SLC25A18: variants seen among roughly 807,000 people sequenced by gnomAD.
SLC25A18 encodes the protein solute carrier family 25 member 18.
In SLC25A18, 24 loss-of-function variants were observed where a neutral mutation model predicts 31.1. The observed-to-expected ratio is 0.77, with a 90% CI of 0.56 to 1.08. SLC25A18 has a LOEUF of 1.08. Ranked by LOEUF, SLC25A18 falls within the 50% of genes least tolerant of loss-of-function variation. The probability of loss-of-function intolerance (pLI) is 0.00; values close to 1 mark genes in which losing one functional copy is unlikely to be tolerated. For missense variants in SLC25A18, 371 were observed against 418.5 expected (o/e 0.89, Z 0.99); for synonymous variants, 173 against 161.9 (o/e 1.07, Z -0.52).
rs2057351176 is a variant in SLC25A18, at chr22:17,580,804, C to T, written c.21-233C>T. ...AGAGCTGGGCTCCTCCCAGAAGCCCCTGCAGGTCCCAGCTCCAGGGACTTC... is the reference window on the plus strand; with the variant it reads ...AGAGCTGGGCTCCTCCCAGAAGCCCTTGCAGGTCCCAGCTCCAGGGACTTC... On this transcript the variant is annotated intron_variant, in intron 3 of 10. Transcript: ENST00000327451. 6 of 1,291,616 alleles carry T rather than the reference C, an allele frequency of 4.6e-6. No homozygotes were observed. In the South Asian group the frequency reaches 9.3e-5, roughly 20 times the overall value. The allele number at this position is 1,291,616 out of a possible 1,614,324, so 80.0% of individuals were successfully genotyped here. A position where few individuals can be genotyped will look rare whatever the true frequency, so the allele number is the denominator to read the frequency against.
At chr22:17,574,837 T>TTATTATTATTATTATTATTATTAG (rs1170745388) in intron 2 of SLC25A18, among the ~76,000 whole-genome samples, 8 of 139,284 alleles carry the variant, frequency 5.7e-5, no homozygotes, top group Non-Finnish European at 1.5e-5. Context: ...CCCTTTATTA[T>TTATTATTATTATTATTATTATTAG]TATTATTATT....
chr22:17,588,257 T>G, intron 9 of SLC25A18, 178 bp downstream of exon 9: 1 of 635,002 alleles, frequency 1.6e-6, no homozygotes. Context: ...TTCTCATCCC[T>G]GACACATCCC....
chr22:17,565,854 T>C (rs1048748761), intron 1 of SLC25A18, among the ~76,000 whole-genome samples: 6 of 151,770 alleles, frequency 4.0e-5, no homozygotes, highest in Non-Finnish European at 8.8e-5. Flanking sequence ...GCAACAAGAG[T>C]GAAGCTCCGT....
At position 17,587,284 on chromosome 22, in the gene SLC25A18, G is replaced by A. The variant is rs367598935; in HGVS notation, c.558G>A (p.Leu186=). 6.2e-7 allele frequency: 1 copy of A among 1,613,140 alleles called. No homozygotes were observed. Among genetic ancestry groups the A allele is most frequent in the African/African-American group, 1.3e-5 (1 of 75,052 alleles). The part of the protein sequence containing the change: ...TQGLAGLYRG[L]GATLLRDIPF... ...GCCTGGCTGGGCTCTACAGGGGCCT[G>A]GGTGCCACTCTCCTCAGGTGAGCCT... is the stretch of plus-strand genomic sequence containing the variant. Residue 186 remains leucine, a synonymous_variant, in exon 8 of 11, where the codon CTG becomes CTA. Coordinates refer to ENST00000327451, the MANE Select transcript of SLC25A18 (RefSeq NM_031481.3).
intron 2 of SLC25A18, among the ~76,000 whole-genome samples, chr22:17,578,871 G>T (rs1172244596): frequency 6.6e-6 from 1 of 152,192 alleles, no homozygotes; most frequent in Non-Finnish European, 1.5e-5. Flanking sequence ...TTGCACTCCA[G>T]CCTGGGCAAC....
At chr22:17,580,839 A>T in intron 3 of SLC25A18, 198 bp from the exon 4 acceptor site, 4 of 1,315,026 alleles carry the variant, frequency 3.0e-6, no homozygotes, top group Non-Finnish European at 3.9e-6. Flanking sequence ...CCCGGGTTGC[A>T]GCAAGATGCC....
Position 17,574,067 on chromosome 22 carries a change from A to G in SLC25A18, c.-201+4081A>G, listed in dbSNP as rs5992744. On this transcript the variant is annotated intron_variant, in intron 2 of 10. Coordinates refer to ENST00000327451, the MANE Select transcript of SLC25A18 (RefSeq NM_031481.3). Reference sequence around the variant, plus strand: ...CAACATGGCAAAACCCATCTCTACAAAAATTTTTTTTAAAAAAATAGCCTG... The same window carrying G: ...CAACATGGCAAAACCCATCTCTACAGAAATTTTTTTTAAAAAAATAGCCTG... Among the ~76,000 whole-genome samples the G allele has an allele frequency of 7.5e-3, 1,145 of 152,222 alleles. 14 individuals are homozygous for G. Among genetic ancestry groups the G allele is most frequent in the African/African-American group, 0.026 (1,082 of 41,530 alleles).
At chr22:17,580,448 G>A (rs1027796431) in intron 3 of SLC25A18, 1 of 817,898 alleles carries the variant, frequency 1.2e-6, no homozygotes, top group African/African-American at 1.9e-5. Flanking sequence ...TATCTAAACT[G>A]TGGCTTTACT....
intron 1 of SLC25A18, chr22:17,569,689 A>C: frequency 1.0e-6 from 1 of 985,428 alleles, no homozygotes; most frequent in Non-Finnish European, 1.2e-6. Context: ...TCCGAGTCAT[A>C]CTAGCCACCA....
intron 7 of SLC25A18, among the ~76,000 whole-genome samples, chr22:17,584,422 A>AGAAGGAAG (rs1555951457): frequency 5.2e-5 from 7 of 134,066 alleles, no homozygotes; most frequent in Non-Finnish European, 1.1e-4. Context: ...AAAGAAAGAA[A>AGAAGGAAG]GAAGGAAGGA....
intron 1 of SLC25A18, among the ~76,000 whole-genome samples, chr22:17,567,314 T>C (rs563321959): frequency 6.6e-6 from 1 of 152,314 alleles, no homozygotes; most frequent in African/African-American, 2.4e-5. Context: ...GTCACACAGC[T>C]AGTAAGCAGT....
At chr22:17,583,311 A>G (rs2057431746) in intron 6 of SLC25A18, 105 bp from the exon 7 acceptor site, 3 of 1,451,530 alleles carry the variant, frequency 2.1e-6, no homozygotes, top group Non-Finnish European at 2.8e-6. Flanking sequence ...GGTGAGTGGC[A>G]GCCACGGGTG....
intron 2 of SLC25A18, among the ~76,000 whole-genome samples, chr22:17,576,506 A>G (rs1444629430): frequency 6.6e-6 from 1 of 152,224 alleles, no homozygotes; most frequent in Non-Finnish European, 1.5e-5. Flanking sequence ...CTCAACAAAT[A>G]TCTGTAGCGT....
intron 1 of SLC25A18, among the ~76,000 whole-genome samples, chr22:17,566,399 G>A (rs2056937530): frequency 6.6e-6 from 1 of 151,398 alleles, no homozygotes; most frequent in Non-Finnish European, 1.5e-5. Flanking sequence ...TCCCTCCTGT[G>A]AGCAGGCTGT....
At chr22:17,580,865 C>T (rs963775241) in intron 3 of SLC25A18, 172 bp from the exon 4 acceptor site, 118 of 1,378,584 alleles carry the variant, frequency 8.6e-5, no homozygotes, top group Middle Eastern at 2.5e-4. Flanking sequence ...CGGGTGAGTG[C>T]GGCTGTCCTG....
rs147270090 is a variant in SLC25A18, at chr22:17,588,034, T to G, written c.685T>G (p.Cys229Gly). The change falls in exon 9 of 11, where the codon TGT (cysteine) becomes GGT (glycine). Residue 229 changes from cysteine to glycine, a missense_variant. Coordinates refer to ENST00000327451, the MANE Select transcript of SLC25A18 (RefSeq NM_031481.3). ...ASFAHSFVSG[C>G]VAGSIAAVAV... The stretch of plus-strand genomic sequence containing the variant: ...CTTTGCACATTCCTTCGTGTCAGGC[T>G]GTGTGGCAGGTTCCATAGCTGCGGT... 2.5e-6 allele frequency: 4 copies of G among 1,614,092 alleles called. No homozygotes were observed. Among genetic ancestry groups the G allele is most frequent in the Non-Finnish European group, 3.4e-6 (4 of 1,180,050 alleles).
At position 17,582,577 on chromosome 22, in the gene SLC25A18, C is replaced by A. The variant is rs1408515054; in HGVS notation, c.214C>A (p.Leu72Ile). ...TTCACTTCCAGGGGCTGCAGTGAACCTCACTCTGGTCACTCCAGAGAAGGC... is the reference window on the plus strand; with the variant it reads ...TTCACTTCCAGGGGCTGCAGTGAACATCACTCTGGTCACTCCAGAGAAGGC... Reference protein sequence around the residue: ...FGMYRGAAVNLTLVTPEKAIK... With the variant: ...FGMYRGAAVNITLVTPEKAIK... Residue 72 changes from leucine to isoleucine, a missense_variant, in exon 6 of 11, where the codon CTC (leucine) becomes ATC (isoleucine). Leu to Ile is a conservative substitution (Grantham distance 5). Transcript: ENST00000327451. 1 of 1,599,408 alleles carries A rather than the reference C, an allele frequency of 6.3e-7. No individual in the cohort carries two copies. The highest frequency in any genetic ancestry group is 2.2e-5 in the East Asian group (1 of 44,636).
At chr22:17,577,287 G>C (rs574056106) in intron 2 of SLC25A18, among the ~76,000 whole-genome samples, 5 of 152,258 alleles carry the variant, frequency 3.3e-5, no homozygotes, top group African/African-American at 9.6e-5. Context: ...CTCCCAAAGT[G>C]CTGGGATTAT....
In SLC25A18 at chr22:17,590,224, G is replaced by GTGTT. The variant is rs781222894; in HGVS notation, c.938_941dup (p.Phe314LeufsTer3). On this transcript the variant is annotated frameshift_variant, in exon 11 of 11. Coordinates refer to ENST00000327451, the MANE Select transcript of SLC25A18 (RefSeq NM_031481.3). LOFTEE classifies it high-confidence loss of function. Reference sequence around the variant, plus strand: ...TTGGGATTGGAGAGCGCATCTTAAAGTGTTTTGACTAGACAGAGCTGGAGG... The same window carrying GTGTT: ...TTGGGATTGGAGAGCGCATCTTAAAGTGTTTGTTTTGACTAGACAGAGCTGGAGG... 3.7e-6 allele frequency: 6 copies of GTGTT among 1,614,230 alleles called. No homozygotes were observed. In the South Asian group the frequency reaches 6.6e-5, roughly 18 times the overall value.
Sources: gnomAD v4.1 joint callset for allele counts (sites outside exome capture counted in the v4.1 genomes callset) on GRCh38, gnomAD v4.1.1 for gene constraint, MANE v1.5 for transcripts, NCBI Gene and HGNC (gene_info 2026-07-23, HGNC 2026-07-21) for gene names.